CDHR2: variants seen among roughly 807,000 people sequenced by gnomAD.
CDHR2 encodes cadherin-related family member 2.
CDHR2 carries 104 observed loss-of-function variants against 138.6 expected under a neutral mutation model. The observed-to-expected ratio is 0.75, with a 90% CI of 0.64 to 0.88. The LOEUF (loss-of-function observed/expected upper bound fraction) is 0.88. Ranked by LOEUF, CDHR2 falls within the 40% of genes least tolerant of loss-of-function variation. The pLI, the probability that CDHR2 is intolerant of heterozygous loss-of-function variation, is 0.00. For missense variants in CDHR2, 1,624 were observed against 1,727.6 expected (o/e 0.94, Z 1.06); for synonymous variants, 755 against 742.8 (o/e 1.02, Z -0.27).
chr5:176,581,224 CT>C, intron 16 of CDHR2, 118 bp from the exon 17 acceptor site: 1 of 1,348,308 alleles, frequency 7.4e-7, no homozygotes, highest in Non-Finnish European at 1.0e-6. Context: ...GGCCCAGGGG[CT>C]CCAGGCCTGA....
At chr5:176,565,564 A>G (rs1421860825) in intron 2 of CDHR2, 108 bp from the exon 3 acceptor site, 10 of 1,239,024 alleles carry the variant, frequency 8.1e-6, no homozygotes, top group African/African-American at 1.5e-5. Flanking sequence ...CCAGGCCTGG[A>G]CGGGTGGCCT....
chr5:176,550,570 A>G (rs1581127586), intron 1 of CDHR2, among the ~76,000 whole-genome samples: 1 of 152,242 alleles, frequency 6.6e-6, no homozygotes, highest in Non-Finnish European at 1.5e-5. Context: ...CTGGGCATCT[A>G]TGAGCCTCGG....
intron 14 of CDHR2, 71 bp from the exon 15 acceptor site, chr5:176,577,963 C>T: frequency 6.6e-7 from 1 of 1,522,374 alleles, no homozygotes; most frequent in Non-Finnish European, 9.0e-7. Flanking sequence ...CAGCTCTGTC[C>T]CCACGAGCTG....
intron 31 of CDHR2, among the ~76,000 whole-genome samples, chr5:176,595,187 G>A (rs1581154707): frequency 6.6e-6 from 1 of 152,316 alleles, no homozygotes; most frequent in Admixed American, 6.5e-5. Flanking sequence ...CCTGCCGTGG[G>A]GTACAGGGGG....
intron 6 of CDHR2, among the ~76,000 whole-genome samples, chr5:176,573,489 T>A (rs6893742): frequency 0.71 from 106,710 of 150,668 alleles, 37,835 homozygotes; most frequent in Admixed American, 0.74. Flanking sequence ...AAAATATATA[T>A]AAAAAAAATT....
At chr5:176,577,241 G>A (rs1404876165) in intron 12 of CDHR2, among the ~76,000 whole-genome samples, 158 bp from the exon 13 acceptor site, 1 of 152,188 alleles carries the variant, frequency 6.6e-6, no homozygotes, top group East Asian at 1.9e-4. Context: ...CTGGTGACCA[G>A]CCCAGCCTCC....
Position 176,553,691 on chromosome 5 carries a change from T to C in CDHR2, c.-16+4277T>C, listed in dbSNP as rs1757760028. On this transcript the variant is annotated intron_variant, in intron 1 of 31. Transcript: ENST00000261944. This position sits in a 1 kb window ranked among gnomAD's most constrained non-coding sequence, Gnocchi z 4.3. ...ACCTGCAGTCTAGCAGTACCGCTAA[T>C]GCCCAGCTCACCTGCGTCTCCACCG... 6.6e-6 allele frequency among the ~76,000 whole-genome samples: 1 copy of C among 152,088 alleles called. No homozygotes were observed. The highest frequency in any genetic ancestry group is 2.1e-4 in the South Asian group (1 of 4,816).
chr5:176,554,042 G>A (rs79051527), intron 1 of CDHR2, among the ~76,000 whole-genome samples: 1,536 of 152,314 alleles, frequency 0.01, 26 homozygotes, highest in African/African-American at 0.035. Flanking sequence ...TCCCCTGAGC[G>A]GTGGGGCACA....
At chr5:176,580,152 ACACACTCACACACGCACT>A (rs1028903539) in intron 16 of CDHR2, among the ~76,000 whole-genome samples, 13 of 149,086 alleles carry the variant, frequency 8.7e-5, no homozygotes, top group African/African-American at 3.1e-4. Context: ...GCACTCACAC[ACACACTCACACACGCACT>A]CACACACACT....
intron 1 of CDHR2, among the ~76,000 whole-genome samples, chr5:176,544,034 C>T (rs888603972): frequency 6.6e-6 from 1 of 152,246 alleles, no homozygotes; most frequent in Non-Finnish European, 1.5e-5. Flanking sequence ...GCGAAGGCTG[C>T]ACCCCGCCGC....
Position 176,586,837 on chromosome 5 carries a change from G to T in CDHR2, c.2851G>T (p.Val951Phe), listed in dbSNP as rs765441954. 1 of 1,609,170 alleles carries T rather than the reference G, an allele frequency of 6.2e-7. No homozygotes were observed. Among genetic ancestry groups the T allele is most frequent in the Non-Finnish European group, 8.5e-7 (1 of 1,177,850 alleles). ...GCTGCCCAACCGGGAGGTGGCTTCT[G>T]TCCGGGTAAGTTCTTGGCTCCAGCC... ...LVLPNREVAS[V>F]RARDDDSGNN... Residue 951 changes from valine (V) to phenylalanine (F), a missense_variant, in exon 21 of 32, where the codon GTC becomes TTC. Val to Phe is a conservative substitution (Grantham distance 50). Coordinates refer to ENST00000261944, the MANE Select transcript of CDHR2 (RefSeq NM_017675.6).
chr5:176,566,441 C>T (rs113025273), intron 3 of CDHR2, among the ~76,000 whole-genome samples: 7 of 152,272 alleles, frequency 4.6e-5, no homozygotes, highest in African/African-American at 9.6e-5. Context: ...GGATATAGAT[C>T]GGGGAAGTAG....
intron 17 of CDHR2, among the ~76,000 whole-genome samples, chr5:176,582,159 T>C (rs1442957399): frequency 6.6e-6 from 1 of 152,180 alleles, no homozygotes; most frequent in Non-Finnish European, 1.5e-5. Flanking sequence ...TAGTTGGGAC[T>C]ATAGGCATAT....
chr5:176,567,155 G>C, intron 3 of CDHR2: 1 of 366,440 alleles, frequency 2.7e-6, no homozygotes, highest in Non-Finnish European at 5.4e-6. Flanking sequence ...AGGCTGGAGA[G>C]GGAGGAGTGC....
intron 2 of CDHR2, 41 bp from the exon 3 acceptor site, chr5:176,565,631 G>T (rs372029136): frequency 2.4e-5 from 38 of 1,575,226 alleles, no homozygotes; most frequent in Non-Finnish European, 3.0e-5. Context: ...ATCGGGTTTT[G>T]CAGGGGTGTC....
At chr5:176,544,481 C>T (rs1022071990), upstream of CDHR2, among the ~76,000 whole-genome samples, 1 of 55,754 alleles carries the variant, frequency 1.8e-5, no homozygotes, top group Non-Finnish European at 5.7e-5. Flanking sequence ...ACTTTGTCGC[C>T]CAGGCTGGAG....
upstream of CDHR2, among the ~76,000 whole-genome samples, chr5:176,544,373 TCC>T (rs760354052): frequency 0.014 from 183 of 13,346 alleles, no homozygotes; most frequent in East Asian, 0.25. Context: ...TTTCTTTCTT[TCC>T]TTTTTTTCTT....
chr5:176,577,493 A>G lies in CDHR2; in HGVS notation c.1289A>G (p.Gln430Arg), dbSNP rs1297296268. Residue 430 changes from glutamine (Q) to arginine (R), a missense_variant, in exon 13 of 32, where the codon CAG becomes CGG. Transcript: ENST00000261944. ...PERAVGSASVQVLVRVSALVD... is the reference protein window; with the variant it reads ...PERAVGSASVRVLVRVSALVD... ...CGGGCAGTGGGCTCAGCCTCCGTTC[A>G]GGTGCTGGTGAGAGTATCCGCGCTG... 1 of 1,612,104 alleles carries G rather than the reference A, an allele frequency of 6.2e-7. No homozygotes were observed. Among genetic ancestry groups the G allele is most frequent in the Non-Finnish European group, 8.5e-7 (1 of 1,179,394 alleles).
chr5:176,557,240 CTG>C (rs1757854850), intron 1 of CDHR2, among the ~76,000 whole-genome samples: 2 of 151,130 alleles, frequency 1.3e-5, no homozygotes, highest in Middle Eastern at 3.2e-3. Context: ...GGATCTCACT[CTG>C]TCACCCAGGC....
Sources: allele counts gnomAD v4.1 joint callset (sites outside exome capture counted in the v4.1 genomes callset), GRCh38; gene constraint gnomAD v4.1.1; non-coding constraint Gnocchi (gnomAD v3.1); transcripts MANE v1.5; gene names NCBI Gene and HGNC (gene_info 2026-07-23, HGNC 2026-07-21).